Variants in TCF7 observed in about 807,000 individuals in gnomAD.
TCF7 encodes the protein transcription factor 7, also known as T-cell-factor-7.
In TCF7, 19 loss-of-function variants were observed where a neutral mutation model predicts 46.8. That is an observed-to-expected ratio of 0.41 (90% CI 0.28 to 0.60). The LOEUF is 0.60. Ranked by LOEUF, TCF7 falls within the 20% of genes least tolerant of loss-of-function variation. The pLI, the probability that TCF7 is intolerant of heterozygous loss-of-function variation, is 0.35. For synonymous variants in TCF7, 245 were observed against 213.4 expected (o/e 1.15, Z -1.29); for missense variants, 547 against 504.6 (o/e 1.08, Z -0.81).
At chr5:134,137,612 C>T (rs1042085183) in intron 3 of TCF7, among the ~76,000 whole-genome samples, 6 of 152,086 alleles carry the variant, frequency 3.9e-5, no homozygotes, top group Admixed American at 1.3e-4. Flanking sequence ...TGAGCTAAGA[C>T]AAATGGTCAG....
chr5:134,141,086 C>T (rs996480313), intron 5 of TCF7: 5 of 304,964 alleles, frequency 1.6e-5, no homozygotes, highest in Non-Finnish European at 3.2e-5. Flanking sequence ...GCCTGGGCCA[C>T]ACCGTGCAGC....
Position 134,114,996 on chromosome 5 carries a change from C to A in TCF7, c.90C>A (p.Gly30=). Residue 30 remains glycine (G), a synonymous_variant, in exon 1 of 10, where the codon GGC becomes GGA. Coordinates refer to ENST00000342854, the MANE Select transcript of TCF7 (RefSeq NM_003202.5). ...PDELLAFQDE[G]EEQDDKSRDS... ...AGCTGCTGGCCTTCCAGGATGAAGGCGAGGAGCAGGACGACAAGAGCCGCG... is the reference window on the plus strand; with the variant it reads ...AGCTGCTGGCCTTCCAGGATGAAGGAGAGGAGCAGGACGACAAGAGCCGCG... 8.0e-7 allele frequency: 1 copy of A among 1,242,986 alleles called. No individual in the cohort carries two copies. The highest frequency in any genetic ancestry group is 5.0e-5 in the East Asian group (1 of 20,110). The allele number at this position is 1,242,986 out of a possible 1,614,324, so 77.0% of individuals were successfully genotyped here. A position where few individuals can be genotyped will look rare whatever the true frequency, so the allele number is the denominator to read the frequency against.
chr5:134,135,891 C>A (rs771162609), intron 3 of TCF7, among the ~76,000 whole-genome samples: 2 of 152,168 alleles, frequency 1.3e-5, no homozygotes, highest in African/African-American at 2.4e-5. Flanking sequence ...TTCTGCAAGC[C>A]AAGTGAAGAA....
At chr5:134,129,224 G>A (rs1757771819) in intron 3 of TCF7, among the ~76,000 whole-genome samples, 1 of 152,228 alleles carries the variant, frequency 6.6e-6, no homozygotes, top group Non-Finnish European at 1.5e-5. Flanking sequence ...GAGCTCTGCA[G>A]ACTGAGACAC....
intron 3 of TCF7, among the ~76,000 whole-genome samples, chr5:134,128,837 C>A: frequency 6.6e-6 from 1 of 152,162 alleles, no homozygotes; most frequent in East Asian, 1.9e-4. Flanking sequence ...CCAGCCAGAC[C>A]CGGTGGGAAG....
At chr5:134,143,438 C>A in intron 8 of TCF7, 154 bp from the exon 9 acceptor site, 3 of 905,396 alleles carry the variant, frequency 3.3e-6, no homozygotes, top group Non-Finnish European at 5.5e-6. Context: ...TCCATAGCAG[C>A]CTAGCAAGAC....
At chr5:134,143,456 C>G (rs771742866) in intron 8 of TCF7, 136 bp from the exon 9 acceptor site, 3 of 1,035,822 alleles carry the variant, frequency 2.9e-6, no homozygotes, top group African/African-American at 1.6e-5. Flanking sequence ...GACCAGCAAT[C>G]AAGAAACACC....
intron 5 of TCF7, chr5:134,141,979 A>G (rs553546976): frequency 3.5e-5 from 19 of 542,170 alleles, no homozygotes; most frequent in Admixed American, 2.1e-4. Context: ...ATGGCAATCT[A>G]TGTAGATTTT....
intron 3 of TCF7, among the ~76,000 whole-genome samples, chr5:134,126,154 C>T (rs1304502362): frequency 6.6e-6 from 1 of 152,252 alleles, no homozygotes. Flanking sequence ...TGCTGAGAGG[C>T]AGCCTGTGGA....
At chr5:134,130,643 G>A (rs1359236682) in intron 3 of TCF7, among the ~76,000 whole-genome samples, 3 of 152,224 alleles carry the variant, frequency 2.0e-5, no homozygotes, top group Non-Finnish European at 4.4e-5. Flanking sequence ...GGCAGGAGAG[G>A]ACGGGGGTAG....
At chr5:134,131,986 G>A (rs533110417) in intron 3 of TCF7, among the ~76,000 whole-genome samples, 3 of 152,352 alleles carry the variant, frequency 2.0e-5, no homozygotes, top group African/African-American at 7.2e-5. Flanking sequence ...CCCCATCCCA[G>A]GGGTCCTAAA....
chr5:134,124,860 CCAT>C (rs1319612968), intron 3 of TCF7, among the ~76,000 whole-genome samples: 1 of 152,294 alleles, frequency 6.6e-6, no homozygotes, highest in African/African-American at 2.4e-5. Flanking sequence ...CCCCACTCCA[CCAT>C]GTCTGAGCTG....
At chr5:134,142,101 ATGTATTATGCAGGGGCCTCTGTGTG>A (rs1759884093) in intron 5 of TCF7, 59 bp from the exon 6 acceptor site, 11 of 1,580,998 alleles carry the variant, frequency 7.0e-6, no homozygotes, top group Non-Finnish European at 8.7e-6. Flanking sequence ...TCCTCAAGTT[ATGTATTATGCAGGGGCCTCTGTGTG>A]TGTCCAAAGG....
intron 3 of TCF7, among the ~76,000 whole-genome samples, chr5:134,135,156 C>T (rs1758681125): frequency 1.3e-5 from 2 of 152,102 alleles, no homozygotes; most frequent in Non-Finnish European, 2.9e-5. Context: ...GACAAGGTCT[C>T]GCTATGTTGC....
chr5:134,141,838 G>C, intron 5 of TCF7: 1 of 200,902 alleles, frequency 5.0e-6, no homozygotes, highest in Non-Finnish European at 1.0e-5. Flanking sequence ...GAGAGGCCTG[G>C]AAGGGTCAAG....
In TCF7 at chr5:134,119,866, G is replaced by A. The variant is rs79404887; in HGVS notation, c.441+3833G>A. Reference sequence around the variant, plus strand: ...CGAGCTGTGGGCCTTGCTGGGAAGCGTCAGTTATTGGTGTTGAGCACCAGC... The same window carrying A: ...CGAGCTGTGGGCCTTGCTGGGAAGCATCAGTTATTGGTGTTGAGCACCAGC... On this transcript the variant is annotated intron_variant, in intron 3 of 9. Coordinates refer to ENST00000342854, the MANE Select transcript of TCF7 (RefSeq NM_003202.5). Among the ~76,000 whole-genome samples, 749 of 152,362 alleles carry A rather than the reference G, an allele frequency of 4.9e-3. 14 individuals carry two copies. The highest frequency in any genetic ancestry group is 0.03 in the East Asian group (157 of 5,186).
At chr5:134,111,674 A>G (rs932987056), upstream of TCF7, among the ~76,000 whole-genome samples, 2 of 152,102 alleles carry the variant, frequency 1.3e-5, no homozygotes, top group African/African-American at 4.8e-5. Flanking sequence ...TTCATGCAAC[A>G]TGAGCCACCC....
At chr5:134,121,015 C>G (rs540913854) in intron 3 of TCF7, among the ~76,000 whole-genome samples, 15 of 152,142 alleles carry the variant, frequency 9.9e-5, no homozygotes, top group Non-Finnish European at 2.2e-4. Context: ...GTGGGCCCCA[C>G]GTGGACTTGG....
chr5:134,117,781 C>G (rs1756021012), intron 3 of TCF7, among the ~76,000 whole-genome samples: 1 of 152,230 alleles, frequency 6.6e-6, no homozygotes, highest in Non-Finnish European at 1.5e-5. Context: ...AGATACATTT[C>G]TATGTATCGC....
Sources: gnomAD v4.1 joint callset for allele counts (sites outside exome capture counted in the v4.1 genomes callset) on GRCh38, gnomAD v4.1.1 for gene constraint, MANE v1.5 for transcripts, NCBI Gene and HGNC (gene_info 2026-07-23, HGNC 2026-07-21) for gene names.